The following AFF3 variants were observed in gnomAD, a reference collection of about 807,000 sequenced individuals.
AFF3 encodes AF4/FMR2 family member 3.
A neutral mutation model predicts 129.7 loss-of-function variants in AFF3; 32 were observed. The observed-to-expected ratio is 0.25, with a 90% CI of 0.19 to 0.33. AFF3 has a LOEUF of 0.33. AFF3 is among the 10% of genes least tolerant of loss of function. The probability of loss-of-function intolerance (pLI) is 1.00; values close to 1 mark genes in which losing one functional copy is unlikely to be tolerated. For missense variants in AFF3, 1,373 were observed against 1,592.0 expected, an observed-to-expected ratio of 0.86 and a Z score of 2.34; for synonymous variants, 644 against 635.4, an observed-to-expected ratio of 1.01 and a Z score of -0.20.
intron 13 of AFF3, among the ~76,000 whole-genome samples, chr2:99,606,921 A>G (rs1680418113): frequency 6.6e-6 from 1 of 150,870 alleles, no homozygotes; most frequent in African/African-American, 2.4e-5. Flanking sequence ...CTCACAAAAA[A>G]AAAAAAAAAA....
intron 4 of AFF3, among the ~76,000 whole-genome samples, chr2:100,019,302 T>C (rs1307049450): frequency 6.6e-6 from 1 of 152,026 alleles, no homozygotes; most frequent in African/African-American, 2.4e-5. Context: ...GGACTAAGAG[T>C]CACCTTGAAC....
intron 7 of AFF3, among the ~76,000 whole-genome samples, chr2:99,943,573 C>T (rs527849446): frequency 3.3e-5 from 5 of 152,264 alleles, no homozygotes; most frequent in Non-Finnish European, 5.9e-5. Flanking sequence ...ACCTCTTTTC[C>T]TCTGAAAACT....
At chr2:100,134,288 A>C (rs11123808) in intron 1 of AFF3, among the ~76,000 whole-genome samples, 37,281 of 152,102 alleles carry the variant, frequency 0.25, 4,930 homozygotes, top group East Asian at 0.56. Context: ...CTAGCATTAA[A>C]ATTTCATCAA....
At chr2:99,842,214 G>A (rs1420665799) in intron 7 of AFF3, among the ~76,000 whole-genome samples, 5 of 152,114 alleles carry the variant, frequency 3.3e-5, no homozygotes, top group African/African-American at 9.7e-5. Flanking sequence ...TCTGGGGTAC[G>A]TTTACCTTCT....
At chr2:99,670,955 A>C (rs1450661830) in intron 12 of AFF3, among the ~76,000 whole-genome samples, 1 of 152,174 alleles carries the variant, frequency 6.6e-6, no homozygotes, top group Non-Finnish European at 1.5e-5. Flanking sequence ...AAAATGAGTC[A>C]ACTAAAAGCT....
chr2:99,938,432 CGATGAT>C (rs111878756), intron 7 of AFF3, among the ~76,000 whole-genome samples: 3 of 151,290 alleles, frequency 2.0e-5, no homozygotes, highest in Non-Finnish European at 2.9e-5. Flanking sequence ...GACACACAGT[CGATGAT>C]GATGATGATG....
chr2:99,867,000 TAAA>T (rs71376497), intron 7 of AFF3, among the ~76,000 whole-genome samples: 9,284 of 118,708 alleles, frequency 0.078, 553 homozygotes, highest in African/African-American at 0.17. Context: ...ATAATAATAA[TAAA>T]AAATAAATAA....
At chr2:99,953,277 C>G (rs1042290308) in intron 7 of AFF3, among the ~76,000 whole-genome samples, 7 of 152,146 alleles carry the variant, frequency 4.6e-5, no homozygotes, top group African/African-American at 1.7e-4. Context: ...TTGGGCATCT[C>G]TAATGTCTTT....
chr2:99,572,627 AG>A (rs1252598101), intron 18 of AFF3: 2 of 455,838 alleles, frequency 4.4e-6, no homozygotes, highest in African/African-American at 4.0e-5. Flanking sequence ...TCAGACAAAT[AG>A]GCAACTGCAT....
rs377588667 is a variant in AFF3 at position 99,708,298 on chromosome 2, T to C, written c.1091+18779A>G. Among the ~76,000 whole-genome samples, 20 of 152,358 alleles carry C rather than the reference T, an allele frequency of 1.3e-4. 1 individual carries two copies. The South Asian group carries it at 1.7e-3, about 13-fold the overall frequency. On this transcript the variant is annotated intron_variant, in intron 11 of 24. Transcript: ENST00000672756. ...CTGGAAGAAGAGAAATTTCCACTCC[T>C]ATCCTCTTGAACGCTTTTTGTCTAG...
chr2:99,891,970 C>G lies in AFF3; in HGVS notation c.874-54446G>C, dbSNP rs538852774. On this transcript the variant is annotated intron_variant, in intron 7 of 24. Transcript: ENST00000672756. ...CCGGAGTAGCTGGGACTACAGGCAC[C>G]CGCCACCATGCCCGGCTCATTTTTT... Among the ~76,000 whole-genome samples the G allele has an allele frequency of 2.0e-5, 3 of 152,272 alleles. No individual in the cohort carries two copies. In the East Asian group the frequency reaches 5.8e-4, roughly 29 times the overall value.
intron 13 of AFF3, among the ~76,000 whole-genome samples, chr2:99,602,531 A>C (rs1039277570): frequency 6.6e-6 from 1 of 152,242 alleles, no homozygotes. Flanking sequence ...CAGAAAAGAA[A>C]ATTTCAGTAC....
intron 8 of AFF3, among the ~76,000 whole-genome samples, chr2:99,831,647 T>C (rs747830907): frequency 1.3e-5 from 2 of 152,228 alleles, no homozygotes; most frequent in Non-Finnish European, 2.9e-5. Flanking sequence ...TTTGCACTTA[T>C]TGTTCTATGT....
At position 100,104,425 on chromosome 2, in the gene AFF3, C is replaced by G; in HGVS notation, c.30G>C (p.Gln10His). The change falls in exon 4 of 25, where the codon CAG (glutamine) becomes CAC (histidine). Residue 10 changes from glutamine to histidine, a missense_variant. By Grantham distance (24) the Gln-to-His change is conservative. Around this residue, in one of 9 missense-constraint regions of AFF3, gnomAD observed 5 missense variants for 19.4 expected, o/e 0.26. Coordinates refer to ENST00000672756, the MANE Select transcript of AFF3 (RefSeq NM_001386135.1). MDSFDLALL[Q>H]EWDLESLCVY... Reference sequence around the variant, plus strand: ...ACCACAGTGACTCGAGGTCCCATTCCTGGAGCAGGGCTAAGTCGAAGCTGT... The same window carrying G: ...ACCACAGTGACTCGAGGTCCCATTCGTGGAGCAGGGCTAAGTCGAAGCTGT... The G allele has an allele frequency of 1.5e-6, 2 of 1,294,960 alleles. No homozygotes were observed. Among genetic ancestry groups the G allele is most frequent in the Non-Finnish European group, 2.0e-6 (2 of 997,180 alleles). The allele number at this position is 1,294,960 out of a possible 1,614,324, so 80.2% of individuals were successfully genotyped here. A position where few individuals can be genotyped will look rare whatever the true frequency, so the allele number is the denominator to read the frequency against.
At chr2:99,684,046 C>T (rs1211194523) in intron 11 of AFF3, among the ~76,000 whole-genome samples, 3 of 152,194 alleles carry the variant, frequency 2.0e-5, no homozygotes, top group Non-Finnish European at 4.4e-5. Flanking sequence ...ACACAGTCCA[C>T]TCTACAGGCT....
chr2:99,616,775 T>C (rs62154484), intron 13 of AFF3, among the ~76,000 whole-genome samples: 5,320 of 152,068 alleles, frequency 0.035, 116 homozygotes, highest in East Asian at 0.046. Context: ...AAAGAAACTG[T>C]GTACATCAGC....
At chr2:99,824,342 C>A (rs968993610) in intron 8 of AFF3, among the ~76,000 whole-genome samples, 1 of 152,070 alleles carries the variant, frequency 6.6e-6, no homozygotes, top group African/African-American at 2.4e-5. Context: ...CTTAAACTCC[C>A]AACCTCAGGT....
chr2:99,851,433 G>GA (rs1285582947), intron 7 of AFF3, among the ~76,000 whole-genome samples: 1 of 152,192 alleles, frequency 6.6e-6, no homozygotes, highest in Non-Finnish European at 1.5e-5. Flanking sequence ...GGCCAGTGGA[G>GA]AAAAAATTTT....
chr2:100,072,664 G>A (rs1220160275), intron 4 of AFF3, among the ~76,000 whole-genome samples: 2 of 152,150 alleles, frequency 1.3e-5, no homozygotes, highest in Non-Finnish European at 2.9e-5. Flanking sequence ...AAACATCTCT[G>A]CAGTCACACC....
Sources: allele counts gnomAD v4.1 joint callset (sites outside exome capture counted in the v4.1 genomes callset), GRCh38; gene constraint gnomAD v4.1.1; regional missense constraint gnomAD v4.1.1; transcripts MANE v1.5; gene names NCBI Gene and HGNC (gene_info 2026-07-23, HGNC 2026-07-21).